The following GRIN1 variants were observed in gnomAD, a reference collection of about 807,000 sequenced individuals.
GRIN1 encodes glutamate ionotropic receptor NMDA type subunit 1, also known as glutamate receptor ionotropic, NMDA 1.
In GRIN1, 38 loss-of-function variants were observed where a neutral mutation model predicts 103.0. The ratio of observed to expected loss-of-function variants is 0.37; its 90% CI spans 0.28 to 0.48. The LOEUF (loss-of-function observed/expected upper bound fraction) is 0.48. Among genes scored for constraint, GRIN1 ranks in the 20% least tolerant of loss-of-function variants. The pLI is 0.98. For synonymous variants in GRIN1, 544 were observed against 532.7 expected, an observed-to-expected ratio of 1.02 and a Z score of -0.29; for missense variants, 577 against 1,288.9, an observed-to-expected ratio of 0.45 and a Z score of 8.46.
At chr9:137,142,245 A>C in intron 2 of GRIN1, 98 bp downstream of exon 2, 45 of 1,229,720 alleles carry the variant, frequency 3.7e-5, no homozygotes, top group Non-Finnish European at 4.8e-5. Flanking sequence ...CATGGAACTC[A>C]CACACCACAA....
intron 8 of GRIN1, among the ~76,000 whole-genome samples, chr9:137,159,506 T>C (rs376738196): frequency 1.3e-5 from 2 of 152,250 alleles, no homozygotes; most frequent in East Asian, 1.9e-4. Flanking sequence ...CAAGCTCCCT[T>C]CCCTGCTCTG....
rs1403046595 is a variant in GRIN1, at chr9:137,146,081, A to C, written c.570+179A>C. On this transcript the variant is annotated intron_variant, in intron 3 of 19. Transcript: ENST00000371561. The surrounding 1 kb of genome is among the most constrained non-coding windows in gnomAD (Gnocchi z 6.7). Reference sequence around the variant, plus strand: ...GCTCATTTCACTCGCTTTTGCCATTAGTCGAAATCTCCTTCGTGTCAGTCC... The same window carrying C: ...GCTCATTTCACTCGCTTTTGCCATTCGTCGAAATCTCCTTCGTGTCAGTCC... 6.6e-6 allele frequency among the ~76,000 whole-genome samples: 1 copy of C among 152,102 alleles called. No individual in the cohort carries two copies. The highest frequency in any genetic ancestry group is 1.5e-5 in the Non-Finnish European group (1 of 68,008).
intron 3 of GRIN1, among the ~76,000 whole-genome samples, chr9:137,147,460 A>T (rs576828927): frequency 6.6e-6 from 1 of 151,834 alleles, no homozygotes; most frequent in African/African-American, 2.4e-5. Context: ...ACACGCACAC[A>T]CATGCACACA....
chr9:137,164,693 C>T (rs1833770639), intron 18 of GRIN1: 1 of 196,562 alleles, frequency 5.1e-6, no homozygotes, highest in South Asian at 9.3e-5. Context: ...CACAGGCCAC[C>T]TGGCCATCAG....
chr9:137,141,871 G>A (rs1832182930), intron 1 of GRIN1, 142 bp from the exon 2 acceptor site: 7 of 888,050 alleles, frequency 7.9e-6, no homozygotes, highest in South Asian at 1.3e-5. Context: ...ATCTGGGCCT[G>A]GGCATGTAGC....
At position 137,164,365 on chromosome 9, in the gene GRIN1, C is replaced by T. The variant is rs556945320; in HGVS notation, c.2589+461C>T. On this transcript the variant is annotated intron_variant, in intron 18 of 19. Transcript: ENST00000371561. ...ACTCTAATCCGAATTGGGCCAGGTC[C>T]GGTCCTGCCTGGTGCCCAGGTTGTA... 22 of 260,676 alleles carry T rather than the reference C, an allele frequency of 8.4e-5. No homozygotes were observed. In the East Asian group the frequency reaches 1.5e-3, roughly 17 times the overall value. 16.1% of individuals were successfully genotyped at this position (260,676 alleles called of 1,614,324 possible).
rs1245244127 is a variant in GRIN1 at position 137,146,701 on chromosome 9, G to A, written c.570+799G>A. The stretch of plus-strand genomic sequence containing the variant: ...GCTACAGACCCCCGGAGCCCTGGGT[G>A]CTCAGCACCTGGGCCAGCTCCTGAT... On this transcript the variant is annotated intron_variant, in intron 3 of 19. Coordinates refer to ENST00000371561, the MANE Select transcript of GRIN1 (RefSeq NM_007327.4). The surrounding 1 kb of genome is among the most constrained non-coding windows in gnomAD (Gnocchi z 6.7). 6.6e-6 allele frequency among the ~76,000 whole-genome samples: 1 copy of A among 152,140 alleles called. No individual in the cohort carries two copies. The highest frequency in any genetic ancestry group is 1.5e-5 in the Non-Finnish European group (1 of 68,004).
chr9:137,167,687 G>A lies in GRIN1; in HGVS notation c.*160G>A, dbSNP rs556859229. Reference sequence around the variant, plus strand: ...GCGCCTGCCCGCCCGCCGGTTGGCCGGCTGGCCGGTCCACCCCGTCCCGGC... The same window carrying A: ...GCGCCTGCCCGCCCGCCGGTTGGCCAGCTGGCCGGTCCACCCCGTCCCGGC... On this transcript the variant is annotated 3_prime_UTR_variant, in exon 20 of 20. Transcript: ENST00000371561. The A allele has an allele frequency of 3.2e-6, 5 of 1,573,072 alleles. No individual in the cohort carries two copies. In the East Asian group the frequency reaches 9.3e-5, roughly 29 times the overall value.
intron 2 of GRIN1, among the ~76,000 whole-genome samples, chr9:137,143,293 G>A (rs1832274587): frequency 6.6e-6 from 1 of 152,260 alleles, no homozygotes; most frequent in Non-Finnish European, 1.5e-5. Flanking sequence ...CCAGAGGCAG[G>A]AACTGAGACA....
intron 19 of GRIN1, 112 bp downstream of exon 19, chr9:137,165,408 C>G: frequency 2.7e-6 from 2 of 750,712 alleles, no homozygotes; most frequent in East Asian, 2.6e-5. Context: ...CCCACTCTGC[C>G]CCTGTCTCCC....
chr9:137,161,946 A>C lies in GRIN1; in HGVS notation c.1490A>C (p.Glu497Ala). ...QERVNNSNKK[E>A]WNGMMGELLS... Reference sequence around the variant, plus strand: ...CAGGTGAACAACAGCAACAAGAAGGAGTGGAATGGGATGATGGGCGAGCTG... The same window carrying C: ...CAGGTGAACAACAGCAACAAGAAGGCGTGGAATGGGATGATGGGCGAGCTG... Residue 497 changes from glutamate (E) to alanine (A), a missense_variant, in exon 11 of 20, where the codon GAG becomes GCG. Coordinates refer to ENST00000371561, the MANE Select transcript of GRIN1 (RefSeq NM_007327.4). 1 of 1,565,364 alleles carries C rather than the reference A, an allele frequency of 6.4e-7. No homozygotes were observed. The highest frequency in any genetic ancestry group is 8.7e-7 in the Non-Finnish European group (1 of 1,155,344).
At chr9:137,152,008 G>A (rs1031304597) in intron 4 of GRIN1, among the ~76,000 whole-genome samples, 3 of 144,494 alleles carry the variant, frequency 2.1e-5, no homozygotes, top group Non-Finnish European at 1.5e-5. Flanking sequence ...CCGGGCTCAC[G>A]CCATTCTCCT....
intron 2 of GRIN1, among the ~76,000 whole-genome samples, chr9:137,143,934 C>T (rs979044334): frequency 5.9e-5 from 9 of 152,224 alleles, no homozygotes; most frequent in Non-Finnish European, 1.0e-4. Context: ...CACGGCACTC[C>T]GTGGCAGCTT....
chr9:137,144,594 G>A (rs192348045), intron 2 of GRIN1, among the ~76,000 whole-genome samples: 2 of 150,470 alleles, frequency 1.3e-5, no homozygotes, highest in East Asian at 4.0e-4. Flanking sequence ...GGCGGAGCCT[G>A]CAGTGAGCCG....
At chr9:137,148,241 C>T (rs75345761) in intron 3 of GRIN1, 1 of 1,504,860 alleles carries the variant, frequency 6.6e-7, no homozygotes, top group Non-Finnish European at 9.0e-7. Context: ...GTGCACGCCA[C>T]CCACGGCTAG....
Position 137,158,717 on chromosome 9 carries a change from C to A in GRIN1, c.1197+13C>A. 4 of 1,596,832 alleles carry A rather than the reference C, an allele frequency of 2.5e-6. No homozygotes were observed. The highest frequency in any genetic ancestry group is 3.4e-6 in the Non-Finnish European group (4 of 1,165,416). ...CACCAGACTGAAGGTGGGGGCCCCACAGACCTCCCTCAGTGTCCCCACCCC... is the reference window on the plus strand; with the variant it reads ...CACCAGACTGAAGGTGGGGGCCCCAAAGACCTCCCTCAGTGTCCCCACCCC... On this transcript the variant is annotated intron_variant, in intron 8 of 19. Coordinates refer to ENST00000371561, the MANE Select transcript of GRIN1 (RefSeq NM_007327.4).
chr9:137,162,797 TA>T, intron 14 of GRIN1, 48 bp from the exon 15 acceptor site: 1 of 1,606,088 alleles, frequency 6.2e-7, no homozygotes, highest in Non-Finnish European at 8.5e-7. Context: ...CGGCCTCGGT[TA>T]GGGGCCTGGG....
chr9:137,145,928 G>C, intron 3 of GRIN1, 26 bp downstream of exon 3: 1 of 1,545,460 alleles, frequency 6.5e-7, no homozygotes, highest in Non-Finnish European at 8.8e-7. Context: ...GCGGGTGGGC[G>C]CCTGGCGGAG....
rs372970942 is a variant in GRIN1 at position 137,139,446 on chromosome 9, C to A, written c.-41C>A. On this transcript the variant is annotated 5_prime_UTR_variant, in exon 1 of 20. Transcript: ENST00000371561. The surrounding 1 kb of genome is among the most constrained non-coding windows in gnomAD (Gnocchi z 7.7). ...CCCGCGGGGGATGCGCCGAGGGCCC[C>A]GCGTTCGCGCCGCGCAGAGCCAGGC... 4 of 1,415,106 alleles carry A rather than the reference C, an allele frequency of 2.8e-6. No homozygotes were observed. The South Asian group carries it at 6.0e-5, about 21-fold the overall frequency. The allele number at this position is 1,415,106 out of a possible 1,614,324, so 87.7% of individuals were successfully genotyped here.
Sources: allele counts gnomAD v4.1 joint callset (sites outside exome capture counted in the v4.1 genomes callset), GRCh38; gene constraint gnomAD v4.1.1; non-coding constraint Gnocchi (gnomAD v3.1); transcripts MANE v1.5; gene names NCBI Gene and HGNC (gene_info 2026-07-23, HGNC 2026-07-21).